MRAP2: variants seen among roughly 807,000 people sequenced by gnomAD.
MRAP2 encodes melanocortin 2 receptor accessory protein 2.
A neutral mutation model predicts 17.4 loss-of-function variants in MRAP2; 20 were observed. The ratio of observed to expected loss-of-function variants is 1.15; its 90% confidence interval spans 0.81 to 1.67. MRAP2 has a LOEUF of 1.67. Ranked by LOEUF, MRAP2 falls within the 40% of genes most tolerant of loss-of-function variation. The pLI is 0.00. For missense variants in MRAP2, 238 were observed against 240.0 expected, an observed-to-expected ratio of 0.99 and a Z score of 0.05; for synonymous variants, 96 against 88.4, an observed-to-expected ratio of 1.09 and a Z score of -0.48.
In MRAP2 at chr6:84,089,486, C is replaced by A. The variant is rs2099501310; in HGVS notation, c.*5C>A. 1.2e-6 allele frequency: 2 copies of A among 1,609,336 alleles called. No homozygotes were observed. The highest frequency in any genetic ancestry group is 1.7e-5 in the Admixed American group (1 of 59,762). On this transcript the variant is annotated 3_prime_UTR_variant, in exon 4 of 4. Coordinates refer to ENST00000257776, the MANE Select transcript of MRAP2 (RefSeq NM_138409.4). Reference sequence around the variant, plus strand: ...TCACACAAAGACCTGGATTGAGAAACATGCTCTGTAAAGGGTCTTCCTGAA... The same window carrying A: ...TCACACAAAGACCTGGATTGAGAAAAATGCTCTGTAAAGGGTCTTCCTGAA...
intron 1 of MRAP2, among the ~76,000 whole-genome samples, chr6:84,037,826 C>T (rs755242599): frequency 2.8e-4 from 42 of 152,056 alleles, no homozygotes; most frequent in Non-Finnish European, 5.7e-4. Context: ...CTCTCTCCCT[C>T]CACACCTCCC....
intron 2 of MRAP2, 120 bp downstream of exon 2, chr6:84,055,565 T>C: frequency 2.0e-6 from 2 of 981,636 alleles, no homozygotes; most frequent in South Asian, 1.6e-5. Flanking sequence ...GTCCTCTACC[T>C]CCCAAATTCT....
chr6:84,078,327 T>G (rs1274548560), intron 3 of MRAP2, among the ~76,000 whole-genome samples: 1 of 152,196 alleles, frequency 6.6e-6, no homozygotes, highest in Non-Finnish European at 1.5e-5. Context: ...AATAGACTCC[T>G]ACAGATGCTT....
chr6:84,125,955 C>T, the MRAP2 span, among the ~76,000 whole-genome samples: 1,710 of 152,244 alleles, frequency 0.011, 18 homozygotes, highest in Admixed American at 0.018. Flanking sequence ...CTATTTTTAA[C>T]TTCTATTAAT....
At chr6:84,120,013 T>C in the MRAP2 span, among the ~76,000 whole-genome samples, 2 of 152,204 alleles carry the variant, frequency 1.3e-5, no homozygotes, top group Non-Finnish European at 2.9e-5. Context: ...AGTCCCATGA[T>C]ATGTAATGTG....
the MRAP2 span, among the ~76,000 whole-genome samples, chr6:84,107,045 A>C: frequency 6.6e-6 from 1 of 152,120 alleles, no homozygotes; most frequent in Non-Finnish European, 1.5e-5. Flanking sequence ...GGTCCTTCCA[A>C]AGGCTCCAAA....
chr6:84,119,760 G>A, the MRAP2 span, among the ~76,000 whole-genome samples: 2 of 152,156 alleles, frequency 1.3e-5, no homozygotes, highest in Non-Finnish European at 2.9e-5. Context: ...ACAATAAGCA[G>A]TTCATCCCAT....
intron 3 of MRAP2, among the ~76,000 whole-genome samples, chr6:84,066,900 C>T (rs1277061240): frequency 6.6e-6 from 1 of 152,098 alleles, no homozygotes; most frequent in Non-Finnish European, 1.5e-5. Flanking sequence ...GTTATTTTTT[C>T]CATAAATTAT....
chr6:84,115,102 G>A, the MRAP2 span, among the ~76,000 whole-genome samples: 1 of 152,174 alleles, frequency 6.6e-6, no homozygotes, highest in South Asian at 2.1e-4. Context: ...CTTGAACACT[G>A]TGCTGGGAGA....
the MRAP2 span, among the ~76,000 whole-genome samples, chr6:84,122,182 T>TATTCCAAAAAAACTATTCCAAAAAA: frequency 2.0e-5 from 3 of 151,572 alleles, no homozygotes; most frequent in Non-Finnish European, 4.4e-5. Context: ...CCAAAAAAAC[T>TATTCCAAAAAAACTATTCCAAAAAA]GAAGAGGAAG....
chr6:84,134,217 T>C, the MRAP2 span, among the ~76,000 whole-genome samples: 3 of 152,286 alleles, frequency 2.0e-5, no homozygotes, highest in East Asian at 1.9e-4. Flanking sequence ...CCCACCAAGC[T>C]TGAGCATCCC....
At chr6:84,101,108 T>C in the MRAP2 span, among the ~76,000 whole-genome samples, 2 of 152,216 alleles carry the variant, frequency 1.3e-5, no homozygotes, top group African/African-American at 4.8e-5. Flanking sequence ...AATGTATTCA[T>C]TGTTCACATC....
At chr6:84,095,092 T>C (rs2099502440), downstream of MRAP2, among the ~76,000 whole-genome samples, 1 of 152,238 alleles carries the variant, frequency 6.6e-6, no homozygotes, top group Non-Finnish European at 1.5e-5. Context: ...TCTCACAGTG[T>C]GGAGAAGCAA....
chr6:84,079,561 T>C lies in MRAP2; in HGVS notation c.228-9530T>C, dbSNP rs73752625. Among the ~76,000 whole-genome samples, 1,117 of 152,308 alleles carry C rather than the reference T, an allele frequency of 7.3e-3. 14 individuals are homozygous for C. Among genetic ancestry groups the C allele is most frequent in the African/African-American group, 0.025 (1,059 of 41,556 alleles). ...ATATATGGTATGTAAACTTTACCCA[T>C]TGATGATAAGAATGGTAACTGAATT... On this transcript the variant is annotated intron_variant, in intron 3 of 3. Transcript: ENST00000257776.
At chr6:84,064,714 G>C (rs374392729) in intron 3 of MRAP2, among the ~76,000 whole-genome samples, 2,609 of 152,170 alleles carry the variant, frequency 0.017, 74 homozygotes, top group African/African-American at 0.057. Context: ...GTCTCGATCT[G>C]CTGACTTCGT....
chr6:84,037,430 G>A (rs913114303), intron 1 of MRAP2, among the ~76,000 whole-genome samples: 2 of 152,218 alleles, frequency 1.3e-5, no homozygotes, highest in Admixed American at 6.5e-5. Flanking sequence ...TGGATCCCAC[G>A]CCAGGGCCAT....
At chr6:84,090,982 G>A (rs2099501672), downstream of MRAP2, 1 of 152,286 alleles carries the variant, frequency 6.6e-6, no homozygotes, top group Non-Finnish European at 1.5e-5. Flanking sequence ...GGAGTAGGCA[G>A]TGCTGACTGT....
chr6:84,126,168 T>C, the MRAP2 span, among the ~76,000 whole-genome samples: 1 of 152,118 alleles, frequency 6.6e-6, no homozygotes, highest in African/African-American at 2.4e-5. Context: ...TTGCTTTTTT[T>C]CCAGATATAA....
chr6:84,107,651 C>A, the MRAP2 span, among the ~76,000 whole-genome samples: 2 of 151,918 alleles, frequency 1.3e-5, no homozygotes, highest in Non-Finnish European at 2.9e-5. Context: ...GCCTTACCAG[C>A]TGAAAGAAAA....
Sources: allele counts gnomAD v4.1 joint callset (sites outside exome capture counted in the v4.1 genomes callset), GRCh38; gene constraint gnomAD v4.1.1; transcripts MANE v1.5; gene names NCBI Gene and HGNC (gene_info 2026-07-23, HGNC 2026-07-21).